Variants in VPS28 observed in about 807,000 individuals in gnomAD.
VPS28 encodes the protein VPS28 subunit of ESCRT-I.
Under a neutral mutation model 33.7 loss-of-function variants are expected in VPS28, and 29 were observed. The ratio of observed to expected loss-of-function variants is 0.86; its 90% CI spans 0.64 to 1.17. VPS28 has a LOEUF of 1.17. Ranked by LOEUF, VPS28 falls within the 50% of genes most tolerant of loss-of-function variation. The pLI is 0.00. For synonymous variants in VPS28, 164 were observed against 116.7 expected, an observed-to-expected ratio of 1.40 and a Z score of -2.61; for missense variants, 247 against 312.2, an observed-to-expected ratio of 0.79 and a Z score of 1.57.
rs200765481 is a variant in VPS28, at chr8:144,424,733, G to A, written c.387C>T (p.Ile129=). The change falls in exon 7 of 10, where the codon ATC becomes ATT. Residue 129 remains isoleucine, a synonymous_variant. Coordinates refer to ENST00000292510, the MANE Select transcript of VPS28 (RefSeq NM_016208.4). The part of the protein sequence containing the change: ...KDDKGNLNRC[I]ADVVSLFITV... ...TGGGGCGCACCGAGACCACGTCTGCGATGCAGCGGTTGAGGTTGCCCTTGT... is the reference window on the plus strand; with the variant it reads ...TGGGGCGCACCGAGACCACGTCTGCAATGCAGCGGTTGAGGTTGCCCTTGT... 1.1e-5 allele frequency: 17 copies of A among 1,612,498 alleles called. No individual in the cohort carries two copies. The highest frequency in any genetic ancestry group is 5.3e-5 in the African/African-American group (4 of 74,898).
In VPS28 at chr8:144,424,795, G is replaced by T. The variant is rs782114137; in HGVS notation, c.325C>A (p.Arg109=). 30 of 1,613,824 alleles carry T rather than the reference G, an allele frequency of 1.9e-5. No individual in the cohort carries two copies. In the South Asian group the frequency reaches 3.3e-4, roughly 18 times the overall value. Residue 109 remains arginine, a synonymous_variant, in exon 7 of 10, where the codon CGG becomes AGG. Transcript: ENST00000292510. The stretch of plus-strand genomic sequence containing the variant: ...GTGATGGGCCGGTCCTCCTTGATCC[G>T]CTCCATGGCCAGCGGGCAGTCCAGC... ...FRLDCPLAME[R]IKEDRPITIK...
At chr8:144,427,716 G>C (rs1306081996) in intron 1 of VPS28, among the ~76,000 whole-genome samples, 2 of 152,208 alleles carry the variant, frequency 1.3e-5, no homozygotes, top group Non-Finnish European at 1.5e-5. Context: ...GAGCTGTGGA[G>C]AAACAATGGG....
chr8:144,426,972 ACT>A lies in VPS28; in HGVS notation c.-29_-28del, dbSNP rs1822804499. The A allele has an allele frequency of 6.2e-7, 1 of 1,611,402 alleles. No individual in the cohort carries two copies. Among genetic ancestry groups the A allele is most frequent in the Non-Finnish European group, 8.5e-7 (1 of 1,179,174 alleles). Reference sequence around the variant, plus strand: ...CTCTAGGCTCTGGGGGGGGCACAGCACTGAGACCTGGGGAGCAGAGCCAGGGC... The same window carrying A: ...CTCTAGGCTCTGGGGGGGGCACAGCAGAGACCTGGGGAGCAGAGCCAGGGC... On this transcript the variant is annotated 5_prime_UTR_variant, in exon 2 of 10. Transcript: ENST00000292510.
At chr8:144,426,751 T>C in intron 2 of VPS28, 158 bp downstream of exon 2, 1 of 740,454 alleles carries the variant, frequency 1.4e-6, no homozygotes, top group Non-Finnish European at 2.2e-6. Flanking sequence ...TTCTGAGCCC[T>C]CAGTGCTCCT....
At position 144,424,275 on chromosome 8, in the gene VPS28, G is replaced by A. The variant is rs1331340206; in HGVS notation, c.403-7C>T. ...CCATGACCGTGATGAAGAGCTGGGG[G>A]CAGGTGTGCACATGAGGCTCGCGTG... On this transcript the variant is annotated splice_region_variant and splice_polypyrimidine_tract_variant and intron_variant, in intron 7 of 9. Transcript: ENST00000292510. 18 of 1,598,454 alleles carry A rather than the reference G, an allele frequency of 1.1e-5. No individual in the cohort carries two copies. The highest frequency in any genetic ancestry group is 1.5e-5 in the Non-Finnish European group (17 of 1,171,726).
Position 144,423,868 on chromosome 8 carries a change from C to A in VPS28, c.603G>T (p.Val201=), listed in dbSNP as rs1822532373. 1 of 1,613,016 alleles carries A rather than the reference C, an allele frequency of 6.2e-7. No homozygotes were observed. The highest frequency in any genetic ancestry group is 1.7e-5 in the Admixed American group (1 of 60,000). The change falls in exon 10 of 10, where the codon GTG becomes GTT. Residue 201 remains valine (V), a synonymous_variant. Transcript: ENST00000292510. The part of the protein sequence containing the change: ...SASDELDDSQ[V]RQMLFDLESA... Reference sequence around the variant, plus strand: ...ACTCCAGGTCGAACAGCATCTGACGCACCTGTGAGTCGTCCAGCTCATCTG... The same window carrying A: ...ACTCCAGGTCGAACAGCATCTGACGAACCTGTGAGTCGTCCAGCTCATCTG...
intron 8 of VPS28, 27 bp downstream of exon 8, chr8:144,424,188 G>A (rs781877707): frequency 6.3e-7 from 1 of 1,576,406 alleles, no homozygotes; most frequent in Non-Finnish European, 8.6e-7. Context: ...CTCCTGCCTA[G>A]GCCCCCTGCC....
At position 144,426,207 on chromosome 8, in the gene VPS28, G is replaced by A. The variant is rs1257554712; in HGVS notation, c.39C>T (p.Ala13=). The change falls in exon 3 of 10, where the codon GCC becomes GCT. Residue 13 remains alanine, a splice_region_variant and synonymous_variant. Transcript: ENST00000292510. The part of the protein sequence containing the change: ...HGIPATPGIG[A]PGNKPELYEE... ...CATACAGCTCCGGCTTGTTCCCAGG[G>A]GCTGCAAGAGAAGGCAGAGAGCTGG... 4 of 1,603,150 alleles carry A rather than the reference G, an allele frequency of 2.5e-6. No individual in the cohort carries two copies. Among genetic ancestry groups the A allele is most frequent in the African/African-American group, 2.7e-5 (2 of 74,662 alleles).
chr8:144,425,891 G>A, intron 4 of VPS28, 119 bp from the exon 5 acceptor site: 1 of 1,528,438 alleles, frequency 6.5e-7, no homozygotes. Flanking sequence ...CTCCATCCTG[G>A]AGTGCCTCAG....
chr8:144,427,151 T>C, intron 1 of VPS28, 172 bp from the exon 2 acceptor site: 1 of 445,656 alleles, frequency 2.2e-6, no homozygotes, highest in South Asian at 2.3e-5. Flanking sequence ...ATTACAAAAT[T>C]AGCCGGACGT....
rs1554876567 is a variant in VPS28 at position 144,425,784 on chromosome 8, C to CGT, written c.105-13_105-12insAC. ...CCATGTTGTCGTACCTGAGGACACA[C>CGT]CTGTCTATCGGGCCAGGCCCCGGGG... On this transcript the variant is annotated splice_polypyrimidine_tract_variant and intron_variant, in intron 4 of 9. Transcript: ENST00000292510. 6.2e-6 allele frequency: 10 copies of CGT among 1,613,768 alleles called. No homozygotes were observed. The highest frequency in any genetic ancestry group is 8.5e-6 in the Non-Finnish European group (10 of 1,179,898).
At chr8:144,424,484 G>C (rs529912270) in intron 7 of VPS28, 28 of 808,712 alleles carry the variant, frequency 3.5e-5, no homozygotes, top group Admixed American at 1.2e-4. Flanking sequence ...ACTCTCTCCC[G>C]AGGCCAGGAC....
chr8:144,425,417 C>T lies in VPS28; in HGVS notation c.194+266G>A, dbSNP rs183241618. The T allele has an allele frequency of 4.0e-4, 229 of 577,438 alleles. 1 individual carries two copies. Among genetic ancestry groups the T allele is most frequent in the African/African-American group, 3.7e-3 (197 of 53,564 alleles). 35.8% of individuals were successfully genotyped at this position (577,438 alleles called of 1,614,324 possible). ...CAAAAGATCCTGGGACATCCCCAAG[C>T]CTCTCGACCGTTTTTTAAGGTTGCC... On this transcript the variant is annotated intron_variant, in intron 5 of 9. Transcript: ENST00000292510.
Position 144,424,053 on chromosome 8 carries a change from G to A in VPS28, c.536C>T (p.Thr179Met), listed in dbSNP as rs781870667. Residue 179 changes from threonine to methionine, a missense_variant, in exon 9 of 10, where the codon ACG becomes ATG. Around this residue, in one of 3 missense-constraint regions of VPS28, gnomAD observed 95 missense variants for 118.3 expected, o/e 0.80. Transcript: ENST00000292510. ...HLPPDFEGRQ[T>M]VSQWLQTLSG... is the part of the protein sequence containing the mutation. ...GAGGGACACCCACCACTGGCTGACCGTCTGGCGGCCCTCAAAGTCGGGTGG... is the reference window on the plus strand; with the variant it reads ...GAGGGACACCCACCACTGGCTGACCATCTGGCGGCCCTCAAAGTCGGGTGG... 2.6e-5 allele frequency: 41 copies of A among 1,576,062 alleles called. No individual in the cohort carries two copies. Among genetic ancestry groups the A allele is most frequent in the East Asian group, 1.1e-4 (5 of 44,374 alleles).
chr8:144,426,567 C>T (rs1042537454), intron 2 of VPS28: 3 of 435,056 alleles, frequency 6.9e-6, no homozygotes, highest in Non-Finnish European at 1.3e-5. Context: ...GAGTCACCTG[C>T]ACAACAGTGG....
rs368329172 is a variant in VPS28, at chr8:144,425,745, C to T, written c.132G>A (p.Ala44=). The change falls in exon 5 of 10, where the codon GCG becomes GCA. Residue 44 remains alanine (A), a synonymous_variant. Coordinates refer to ENST00000292510, the MANE Select transcript of VPS28 (RefSeq NM_016208.4). ...EKYDNMAELF[A]VVKTMQALEK... The stretch of plus-strand genomic sequence containing the variant: ...CCAGGGCTTGCATTGTCTTCACCAC[C>T]GCAAACAGCTCTGCCATGTTGTCGT... 8 of 1,613,834 alleles carry T rather than the reference C, an allele frequency of 5.0e-6. No individual in the cohort carries two copies. Among genetic ancestry groups the T allele is most frequent in the African/African-American group, 1.3e-5 (1 of 74,932 alleles).
Position 144,426,984 on chromosome 8 carries a change from G to C in VPS28, c.-34-5C>G. 1 of 1,609,174 alleles carries C rather than the reference G, an allele frequency of 6.2e-7. No homozygotes were observed. The highest frequency in any genetic ancestry group is 8.5e-7 in the Non-Finnish European group (1 of 1,178,076). On this transcript the variant is annotated splice_polypyrimidine_tract_variant and splice_region_variant and intron_variant, in intron 1 of 9. Coordinates refer to ENST00000292510, the MANE Select transcript of VPS28 (RefSeq NM_016208.4). ...GGGGGGGCACAGCACTGAGACCTGG[G>C]GAGCAGAGCCAGGGCCGACTCAAAG...
rs782556531 is a variant in VPS28 at position 144,423,820 on chromosome 8, G to A, written c.651C>T (p.Arg217=). 6.2e-7 allele frequency: 1 copy of A among 1,613,132 alleles called. No individual in the cohort carries two copies. Among genetic ancestry groups the A allele is most frequent in the South Asian group, 1.1e-5 (1 of 91,092 alleles). ...TGCCCCGGGCTCAGGCATGCAGGAA[G>A]CGGTTGAAGGCGTTGTAGGCTGACT... The part of the protein sequence containing the change: ...DLESAYNAFN[R]FLHA Residue 217 remains arginine, a synonymous_variant, in exon 10 of 10, where the codon CGC becomes CGT. Transcript: ENST00000292510.
intron 2 of VPS28, 121 bp from the exon 3 acceptor site, chr8:144,426,329 A>G: frequency 7.4e-7 from 1 of 1,344,668 alleles, no homozygotes; most frequent in Admixed American, 2.9e-5. Context: ...CAAAGAGCCC[A>G]GAGGGAGCTG....
Sources: gnomAD v4.1 joint callset for allele counts (sites outside exome capture counted in the v4.1 genomes callset) on GRCh38, gnomAD v4.1.1 for gene constraint, gnomAD v4.1.1 regional missense constraint, MANE v1.5 for transcripts, NCBI Gene and HGNC (gene_info 2026-07-23, HGNC 2026-07-21) for gene names.